Variants in PSD3 observed in about 807,000 individuals in gnomAD.
PSD3 encodes the protein PH and SEC7 domain-containing protein 3.
PSD3 carries 49 observed loss-of-function variants against 105.5 expected under a neutral mutation model. The observed-to-expected ratio is 0.46, with a 90% confidence interval of 0.37 to 0.59. PSD3 has a LOEUF of 0.59. Among genes scored for constraint, PSD3 ranks in the 20% least tolerant of loss-of-function variants. The pLI, the probability that PSD3 is intolerant of heterozygous loss-of-function variation, is 0.00. For missense variants in PSD3, 1,561 were observed against 1,263.8 expected (o/e 1.24, Z -3.57); for synonymous variants, 557 against 457.8 (o/e 1.22, Z -2.77).
chr8:19,034,877 C>T (rs1254857890), intron 1 of PSD3, among the ~76,000 whole-genome samples: 1 of 152,170 alleles, frequency 6.6e-6, no homozygotes, highest in East Asian at 1.9e-4. Context: ...TGTCTCTTCT[C>T]CCTGCCCTCC....
chr8:18,858,503 A>C (rs1816196283), intron 4 of PSD3, among the ~76,000 whole-genome samples: 1 of 152,130 alleles, frequency 6.6e-6, no homozygotes, highest in Non-Finnish European at 1.5e-5. Context: ...TTTTCACAAA[A>C]TATTTCTCTG....
chr8:18,816,210 T>C (rs183108424), intron 4 of PSD3, among the ~76,000 whole-genome samples: 2 of 152,226 alleles, frequency 1.3e-5, no homozygotes, highest in Admixed American at 6.5e-5. Context: ...AATTCCAGAA[T>C]GTTTACTCTG....
At chr8:19,024,110 G>A (rs1043327791) in intron 1 of PSD3, among the ~76,000 whole-genome samples, 4 of 151,990 alleles carry the variant, frequency 2.6e-5, no homozygotes, top group Non-Finnish European at 5.9e-5. Flanking sequence ...CATTTCCCTC[G>A]GAGCACAAAT....
intron 1 of PSD3, among the ~76,000 whole-genome samples, chr8:19,082,912 C>T (rs1829688127): frequency 6.6e-6 from 1 of 152,216 alleles, no homozygotes; most frequent in African/African-American, 2.4e-5. Flanking sequence ...GAGCGCTACT[C>T]TGGAGAGCTT....
At chr8:18,787,261 C>A (rs919934742) in intron 8 of PSD3, among the ~76,000 whole-genome samples, 2 of 152,126 alleles carry the variant, frequency 1.3e-5, no homozygotes, top group African/African-American at 4.8e-5. Context: ...CAATAAAGTA[C>A]TTTAATAATA....
At chr8:18,971,602 A>T (rs1214245691) in intron 1 of PSD3, among the ~76,000 whole-genome samples, 1 of 152,174 alleles carries the variant, frequency 6.6e-6, no homozygotes, top group African/African-American at 2.4e-5. Flanking sequence ...CCCGCCTCAC[A>T]TCTGCCTTTG....
At chr8:19,005,917 T>C (rs539003529) in intron 1 of PSD3, among the ~76,000 whole-genome samples, 1 of 152,022 alleles carries the variant, frequency 6.6e-6, no homozygotes, top group South Asian at 2.1e-4. Flanking sequence ...TGTGAATATC[T>C]CAATAAAGTT....
chr8:18,885,469 A>G (rs529214028), intron 2 of PSD3, among the ~76,000 whole-genome samples: 3 of 152,340 alleles, frequency 2.0e-5, no homozygotes, highest in African/African-American at 7.2e-5. Context: ...AAAAAACCAT[A>G]CAATTCTTTT....
chr8:18,632,432 T>C (rs916538523), intron 11 of PSD3, among the ~76,000 whole-genome samples, 181 bp downstream of exon 11: 7 of 152,050 alleles, frequency 4.6e-5, no homozygotes, highest in African/African-American at 1.7e-4. Context: ...TAATTCTGCT[T>C]AGAGAAGAGC....
chr8:18,801,151 T>C, intron 7 of PSD3, 119 bp downstream of exon 7: 1 of 600,884 alleles, frequency 1.7e-6, no homozygotes, highest in Non-Finnish European at 2.9e-6. Flanking sequence ...AACAGAAGTG[T>C]TAATAGTTAT....
chr8:18,998,662 G>A (rs916045918), intron 1 of PSD3, among the ~76,000 whole-genome samples: 14 of 151,884 alleles, frequency 9.2e-5, no homozygotes, highest in Non-Finnish European at 1.5e-4. Context: ...ACTCCAGCCC[G>A]AGCAACAGAG....
intron 1 of PSD3, among the ~76,000 whole-genome samples, chr8:19,039,486 G>T (rs1392441341): frequency 6.6e-6 from 1 of 152,122 alleles, no homozygotes; most frequent in Admixed American, 6.5e-5. Flanking sequence ...TGATGTCATG[G>T]AAAGAACACC....
At chr8:18,846,417 C>T (rs781043399) in intron 4 of PSD3, among the ~76,000 whole-genome samples, 7 of 152,090 alleles carry the variant, frequency 4.6e-5, no homozygotes, top group Non-Finnish European at 8.8e-5. Flanking sequence ...CGGAAACTAA[C>T]GATAGAACAG....
chr8:18,991,812 C>G (rs928890775), intron 1 of PSD3, among the ~76,000 whole-genome samples: 1 of 152,048 alleles, frequency 6.6e-6, no homozygotes, highest in Non-Finnish European at 1.5e-5. Context: ...GTTTAAAATC[C>G]CCTTGACTAA....
At chr8:18,940,289 A>G (rs1285349405) in intron 1 of PSD3, 1 of 152,150 alleles carries the variant, frequency 6.6e-6, no homozygotes, top group Non-Finnish European at 1.5e-5. Context: ...ATCACCTGGA[A>G]TCTTCTTAAA....
chr8:19,066,577 T>A (rs1829082142), intron 1 of PSD3, among the ~76,000 whole-genome samples: 1 of 152,206 alleles, frequency 6.6e-6, no homozygotes, highest in Admixed American at 6.5e-5. Context: ...CAACTTCTCT[T>A]CTACTCCACA....
chr8:18,869,774 G>A (rs986350323), intron 3 of PSD3, among the ~76,000 whole-genome samples: 2 of 152,124 alleles, frequency 1.3e-5, no homozygotes, highest in African/African-American at 4.8e-5. Context: ...GTAGGTCTCT[G>A]TTCTTTCCTT....
At chr8:19,052,008 G>A (rs1828546021) in intron 1 of PSD3, among the ~76,000 whole-genome samples, 1 of 152,204 alleles carries the variant, frequency 6.6e-6, no homozygotes, top group Non-Finnish European at 1.5e-5. Flanking sequence ...GATGGAGAAT[G>A]AGGAAGGGGG....
intron 2 of PSD3, among the ~76,000 whole-genome samples, chr8:18,912,404 A>G (rs1312221305): frequency 6.6e-6 from 1 of 152,218 alleles, no homozygotes; most frequent in Non-Finnish European, 1.5e-5. Context: ...GTGTTGTCTA[A>G]CTATTAACAG....
Sources: gnomAD v4.1 joint callset for allele counts (sites outside exome capture counted in the v4.1 genomes callset) on GRCh38, gnomAD v4.1.1 for gene constraint, MANE v1.5 for transcripts, NCBI Gene and HGNC (gene_info 2026-07-23, HGNC 2026-07-21) for gene names.